The following GLRA3 variants were observed in gnomAD, a reference collection of about 807,000 sequenced individuals.
The protein encoded by GLRA3 is glycine receptor subunit alpha-3.
A neutral mutation model predicts 60.4 loss-of-function variants in GLRA3; 44 were observed. The ratio of observed to expected loss-of-function variants is 0.73; its 90% CI spans 0.57 to 0.94. GLRA3 has a LOEUF of 0.94. Ranked by LOEUF, GLRA3 falls within the 40% of genes least tolerant of loss-of-function variation. GLRA3 has a pLI of 0.00. For missense variants in GLRA3, 508 were observed against 564.6 expected (o/e 0.90, Z 1.02); for synonymous variants, 223 against 192.9 (o/e 1.16, Z -1.29).
intron 1 of GLRA3, among the ~76,000 whole-genome samples, chr4:174,803,527 C>A (rs1739905941): frequency 6.6e-6 from 1 of 152,122 alleles, no homozygotes; most frequent in Non-Finnish European, 1.5e-5. Flanking sequence ...TCTTTTCTGT[C>A]ATTAACTAGT....
At position 174,642,511 on chromosome 4, in the gene GLRA3, A is replaced by G. The variant is rs767142050; in HGVS notation, c.*1275T>C. ...TCTGGTTCTGTTTACCAAGAACTCT[A>G]TCATACATTTGCACCCAATTACACT... On this transcript the variant is annotated 3_prime_UTR_variant, in exon 10 of 10. Coordinates refer to ENST00000274093, the MANE Select transcript of GLRA3 (RefSeq NM_006529.4). The G allele has an allele frequency of 4.0e-5, 39 of 975,600 alleles. No homozygotes were observed. Among genetic ancestry groups the G allele is most frequent in the Non-Finnish European group, 4.7e-5 (39 of 821,186 alleles). The allele number at this position is 975,600 out of a possible 1,614,324, so 60.4% of individuals were successfully genotyped here.
chr4:174,642,893 T>G lies in GLRA3; in HGVS notation c.*893A>C. The G allele has an allele frequency of 4.1e-6, 3 of 725,374 alleles. No homozygotes were observed. Among genetic ancestry groups the G allele is most frequent in the Non-Finnish European group, 5.1e-6 (3 of 593,088 alleles). The allele number at this position is 725,374 out of a possible 1,614,324, so 44.9% of individuals were successfully genotyped here. ...CCCATTGAATTTTAAAGTCACATTC[T>G]AAACTAAAATATAAAAGTCTTACTG... On this transcript the variant is annotated 3_prime_UTR_variant, in exon 10 of 10. Transcript: ENST00000274093.
At chr4:174,708,643 G>A (rs1370693114) in intron 5 of GLRA3, among the ~76,000 whole-genome samples, 3 of 142,340 alleles carry the variant, frequency 2.1e-5, no homozygotes, top group Admixed American at 7.1e-5. Context: ...CTTGTTGCCC[G>A]GGCTGCAGTG....
intron 1 of GLRA3, among the ~76,000 whole-genome samples, chr4:174,809,926 A>G (rs1740195293): frequency 6.6e-6 from 1 of 152,236 alleles, no homozygotes; most frequent in South Asian, 2.1e-4. Flanking sequence ...AGAAGAAATT[A>G]AGACTTTTAT....
At chr4:174,710,493 T>C (rs1485396283) in intron 5 of GLRA3, among the ~76,000 whole-genome samples, 1 of 152,162 alleles carries the variant, frequency 6.6e-6, no homozygotes, top group Non-Finnish European at 1.5e-5. Flanking sequence ...AATTCTTCTT[T>C]TTATATAGCA....
At chr4:174,684,989 C>G (rs1463785100) in intron 5 of GLRA3, among the ~76,000 whole-genome samples, 2 of 152,048 alleles carry the variant, frequency 1.3e-5, no homozygotes, top group African/African-American at 4.8e-5. Flanking sequence ...GCCTGGGCAA[C>G]AGAGTAAGAC....
At chr4:174,754,068 T>A (rs558982298) in intron 3 of GLRA3, among the ~76,000 whole-genome samples, 73 of 152,260 alleles carry the variant, frequency 4.8e-4, no homozygotes, top group African/African-American at 1.6e-3. Context: ...ATAGCACTAA[T>A]AAACAATTGT....
At chr4:174,747,336 T>C (rs1381581834) in intron 3 of GLRA3, among the ~76,000 whole-genome samples, 1 of 152,158 alleles carries the variant, frequency 6.6e-6, no homozygotes, top group Non-Finnish European at 1.5e-5. Context: ...CATTCTGAAA[T>C]GCACAGTGGG....
chr4:174,686,355 T>C (rs1734552577), intron 5 of GLRA3, among the ~76,000 whole-genome samples: 1 of 152,230 alleles, frequency 6.6e-6, no homozygotes. Context: ...GAGAACAGAC[T>C]GGTTAATGAG....
intron 5 of GLRA3, among the ~76,000 whole-genome samples, chr4:174,699,954 C>G (rs373379713): frequency 6.6e-6 from 1 of 151,752 alleles, no homozygotes; most frequent in Non-Finnish European, 1.5e-5. Context: ...GTGTTGTAAT[C>G]CACACTCCCA....
intron 7 of GLRA3, among the ~76,000 whole-genome samples, chr4:174,676,825 A>G (rs1734137532): frequency 6.6e-6 from 1 of 152,288 alleles, no homozygotes; most frequent in Admixed American, 6.5e-5. Flanking sequence ...TCCATAGTGT[A>G]TAAGAGTATT....
At chr4:174,777,197 T>G (rs1163647689) in intron 2 of GLRA3, among the ~76,000 whole-genome samples, 1 of 152,202 alleles carries the variant, frequency 6.6e-6, no homozygotes, top group Admixed American at 6.5e-5. Flanking sequence ...GGAGCAGAAA[T>G]CAAAATGAGA....
At chr4:174,648,701 G>A (rs1241673267) in intron 9 of GLRA3, among the ~76,000 whole-genome samples, 1 of 152,118 alleles carries the variant, frequency 6.6e-6, no homozygotes, top group Non-Finnish European at 1.5e-5. Context: ...GGGAAGGCAG[G>A]AGGGTGTTTT....
At chr4:174,732,952 A>G (rs1438376503) in intron 3 of GLRA3, among the ~76,000 whole-genome samples, 1 of 152,182 alleles carries the variant, frequency 6.6e-6, no homozygotes, top group Non-Finnish European at 1.5e-5. Context: ...TATCTTTAAT[A>G]TTGGTAATGT....
rs188071627 is a variant in GLRA3, at chr4:174,749,602, G to C, written c.267+17361C>G. ...CAAAGAATAATGTCACAGGCATGAG[G>C]GAGTCAGGGACTGAGAAATGGGTTG... On this transcript the variant is annotated intron_variant, in intron 3 of 9. Coordinates refer to ENST00000274093, the MANE Select transcript of GLRA3 (RefSeq NM_006529.4). Among the ~76,000 whole-genome samples the C allele has an allele frequency of 3.9e-4, 59 of 152,160 alleles. 1 individual carries two copies. The highest frequency in any genetic ancestry group is 1.6e-3 in the Admixed American group (25 of 15,272).
intron 1 of GLRA3, among the ~76,000 whole-genome samples, chr4:174,802,839 C>T (rs1016139214): frequency 1.1e-4 from 17 of 151,982 alleles, no homozygotes; most frequent in Non-Finnish European, 1.0e-4. Context: ...AATTGAAATG[C>T]TGTCAGTATC....
At chr4:174,726,120 A>T (rs1736313673) in intron 4 of GLRA3, among the ~76,000 whole-genome samples, 1 of 152,218 alleles carries the variant, frequency 6.6e-6, no homozygotes. Context: ...GTGGCCTCAG[A>T]ACTGCTAGGT....
In GLRA3 at chr4:174,640,988, A is replaced by G. The variant is rs1732610339; in HGVS notation, c.*2798T>C. ...GTTGTAAAGTAAGTTCTAGAGCCTC[A>G]TTATGGTTTAAGTTCAATTCTAATG... On this transcript the variant is annotated 3_prime_UTR_variant, in exon 10 of 10. Transcript: ENST00000274093. The G allele has an allele frequency of 7.1e-6, 1 of 141,822 alleles. No homozygotes were observed. The highest frequency in any genetic ancestry group is 2.5e-5 in the African/African-American group (1 of 40,762). 8.8% of individuals were successfully genotyped at this position (141,822 alleles called of 1,614,324 possible).
chr4:174,818,411 G>A (rs529728912), intron 1 of GLRA3, among the ~76,000 whole-genome samples: 39 of 152,198 alleles, frequency 2.6e-4, no homozygotes, highest in African/African-American at 7.5e-4. Flanking sequence ...GGAATGATAT[G>A]TACTTTGCCC....
Sources: allele counts gnomAD v4.1 joint callset (sites outside exome capture counted in the v4.1 genomes callset), GRCh38; gene constraint gnomAD v4.1.1; transcripts MANE v1.5; gene names NCBI Gene and HGNC (gene_info 2026-07-23, HGNC 2026-07-21).